The following HADH variants were observed in gnomAD, a reference collection of about 807,000 sequenced individuals.
The protein encoded by HADH is hydroxyacyl-coenzyme A dehydrogenase, mitochondrial.
Under a neutral mutation model 32.2 loss-of-function variants are expected in HADH, and 24 were observed. The observed-to-expected ratio is 0.75, with a 90% CI of 0.54 to 1.05. The LOEUF (loss-of-function observed/expected upper bound fraction) is 1.05, where lower values mean the gene tolerates loss of function less well. Ranked by LOEUF, HADH falls within the 50% of genes least tolerant of loss-of-function variation. The pLI, the probability that HADH is intolerant of heterozygous loss-of-function variation, is 0.00. For missense variants in HADH, 350 were observed against 397.1 expected (o/e 0.88, Z 1.01); for synonymous variants, 139 against 152.5 (o/e 0.91, Z 0.65).
intron 1 of HADH, among the ~76,000 whole-genome samples, chr4:107,995,913 C>T (rs981140672): frequency 1.3e-5 from 2 of 152,164 alleles, no homozygotes; most frequent in Non-Finnish European, 2.9e-5. Context: ...ACCTGCTGGT[C>T]GTCTACATCA....
chr4:108,010,849 C>CTTTTT (rs1199994737), intron 2 of HADH, among the ~76,000 whole-genome samples: 7 of 124,800 alleles, frequency 5.6e-5, no homozygotes, highest in South Asian at 2.5e-4. Flanking sequence ...CAACTTCATT[C>CTTTTT]TTTTTTTTTT....
At chr4:108,013,413 G>A (rs1261599148) in intron 2 of HADH, among the ~76,000 whole-genome samples, 2 of 151,906 alleles carry the variant, frequency 1.3e-5, no homozygotes, top group Non-Finnish European at 2.9e-5. Flanking sequence ...TGTCTCCTTG[G>A]GCTGAGTTTC....
intron 1 of HADH, among the ~76,000 whole-genome samples, chr4:108,001,489 C>T (rs1735117029): frequency 6.6e-6 from 1 of 152,172 alleles, no homozygotes; most frequent in Non-Finnish European, 1.5e-5. Flanking sequence ...ATGTACAGAG[C>T]TGTTGTAGAA....
chr4:108,019,068 G>T (rs1004026875), intron 3 of HADH, among the ~76,000 whole-genome samples: 8 of 152,166 alleles, frequency 5.3e-5, no homozygotes, highest in Non-Finnish European at 8.8e-5. Context: ...CTTAATTCAC[G>T]TTTATTATCA....
At chr4:108,032,697 C>G (rs1473713997) in intron 6 of HADH, 2 of 330,250 alleles carry the variant, frequency 6.1e-6, no homozygotes, top group Non-Finnish European at 1.1e-5. Flanking sequence ...CTTTGAAAAT[C>G]TTGGGCCACA....
At chr4:107,991,175 T>C (rs1282823133) in intron 1 of HADH, among the ~76,000 whole-genome samples, 7 of 151,984 alleles carry the variant, frequency 4.6e-5, no homozygotes. Context: ...TTAAAAATTA[T>C]TCCATTTCAG....
At chr4:108,016,014 G>T (rs1560731964) in intron 3 of HADH, among the ~76,000 whole-genome samples, 1 of 152,156 alleles carries the variant, frequency 6.6e-6, no homozygotes, top group East Asian at 1.9e-4. Flanking sequence ...TATAGACAGA[G>T]AGGACTTTCC....
At chr4:108,027,661 T>A (rs969097033) in intron 5 of HADH, 27 bp from the exon 6 acceptor site, 4 of 1,464,266 alleles carry the variant, frequency 2.7e-6, no homozygotes, top group Non-Finnish European at 3.8e-6. Flanking sequence ...ATTTACTAGT[T>A]TTTTGTTTTT....
At chr4:107,992,754 A>C (rs1015949353) in intron 1 of HADH, among the ~76,000 whole-genome samples, 1 of 152,194 alleles carries the variant, frequency 6.6e-6, no homozygotes, top group Non-Finnish European at 1.5e-5. Flanking sequence ...TATATCAAGC[A>C]TATGTCAAGC....
At chr4:108,006,136 G>C (rs1199800716) in intron 1 of HADH, among the ~76,000 whole-genome samples, 2 of 152,224 alleles carry the variant, frequency 1.3e-5, no homozygotes, top group Non-Finnish European at 2.9e-5. Context: ...CTGATGTGAA[G>C]AGTCCCAGGC....
At chr4:108,022,167 A>ATGTGTG (rs60633286) in intron 4 of HADH, among the ~76,000 whole-genome samples, 9 of 124,966 alleles carry the variant, frequency 7.2e-5, no homozygotes, top group African/African-American at 2.6e-4. Context: ...ACATATATAT[A>ATGTGTG]TGTGTGTGTG....
chr4:108,028,481 T>TA (rs1225526545), intron 6 of HADH: 2 of 175,156 alleles, frequency 1.1e-5, no homozygotes, highest in African/African-American at 4.7e-5. Context: ...TGTTTTCAAT[T>TA]ACTTCATTCA....
At chr4:108,027,805 G>A in intron 6 of HADH, 45 bp downstream of exon 6, 1 of 1,116,760 alleles carries the variant, frequency 9.0e-7, no homozygotes, top group South Asian at 1.2e-5. Context: ...TCAGCTCCTG[G>A]CGCCACTGTC....
intron 3 of HADH, among the ~76,000 whole-genome samples, chr4:108,019,190 G>C (rs189404750): frequency 6.6e-6 from 1 of 152,262 alleles, no homozygotes; most frequent in Non-Finnish European, 1.5e-5. Flanking sequence ...GGTTGGTTAA[G>C]TAGCTTGATC....
chr4:108,023,396 G>C (rs923352654), intron 4 of HADH, 78 bp from the exon 5 acceptor site: 1 of 853,436 alleles, frequency 1.2e-6, no homozygotes, highest in African/African-American at 1.7e-5. Flanking sequence ...GGAGCCTTTT[G>C]ATCAATCATT....
At chr4:108,033,084 A>G in intron 6 of HADH, 92 bp from the exon 7 acceptor site, 1 of 790,546 alleles carries the variant, frequency 1.3e-6, no homozygotes, top group Non-Finnish European at 2.3e-6. Flanking sequence ...TTGTGCAAGC[A>G]TATAAAATTC....
intron 1 of HADH, chr4:108,005,049 C>T (rs115476568): frequency 0.013 from 7,452 of 591,620 alleles, 57 homozygotes; most frequent in Middle Eastern, 0.018. Flanking sequence ...TTCTTTTTTT[C>T]TTTCTTTCTT....
chr4:108,027,803 T>G, intron 6 of HADH, 43 bp downstream of exon 6: 17 of 1,111,904 alleles, frequency 1.5e-5, no homozygotes, highest in East Asian at 2.3e-5. Context: ...CCTCAGCTCC[T>G]GGCGCCACTG....
chr4:108,022,274 AT>A (rs1175064591), intron 4 of HADH, among the ~76,000 whole-genome samples: 2 of 5,198 alleles, frequency 3.8e-4, no homozygotes, highest in Non-Finnish European at 1.2e-3. Context: ...GTTTAAAAAT[AT>A]ATATATATAT....
Sources: gnomAD v4.1 joint callset for allele counts (sites outside exome capture counted in the v4.1 genomes callset) on GRCh38, gnomAD v4.1.1 for gene constraint, MANE v1.5 for transcripts, NCBI Gene and HGNC (gene_info 2026-07-23, HGNC 2026-07-21) for gene names.